The following RERE variants were observed in gnomAD, a reference collection of about 807,000 sequenced individuals.
RERE encodes the protein arginine-glutamic acid dipeptide repeats protein.
RERE carries 40 observed loss-of-function variants against 146.1 expected under a neutral mutation model. The observed-to-expected ratio is 0.27, with a 90% CI of 0.21 to 0.36. The LOEUF is 0.36. Ranked by LOEUF, RERE falls within the 10% of genes least tolerant of loss-of-function variation. RERE has a pLI of 1.00. For missense variants in RERE, 1,933 were observed against 2,138.7 expected (o/e 0.90, Z 1.90); for synonymous variants, 1,003 against 866.0 (o/e 1.16, Z -2.78).
chr1:8,710,936 C>G (rs969023849), intron 1 of RERE, among the ~76,000 whole-genome samples: 17 of 151,906 alleles, frequency 1.1e-4, no homozygotes, highest in African/African-American at 4.1e-4. Flanking sequence ...GCGGGTGGAT[C>G]ACTTAAGGCC....
intron 10 of RERE, among the ~76,000 whole-genome samples, chr1:8,478,321 G>A (rs918529284): frequency 2.6e-5 from 4 of 152,148 alleles, no homozygotes; most frequent in African/African-American, 4.8e-5. Context: ...GAGAAGATAT[G>A]AAAATGTATT....
chr1:8,649,821 G>T (rs1647520575), intron 2 of RERE, among the ~76,000 whole-genome samples: 1 of 151,940 alleles, frequency 6.6e-6, no homozygotes, highest in African/African-American at 2.4e-5. Flanking sequence ...GATGAGTGGG[G>T]GAAAATAAGA....
chr1:8,538,310 C>A (rs1645753239), intron 7 of RERE, among the ~76,000 whole-genome samples: 1 of 152,216 alleles, frequency 6.6e-6, no homozygotes, highest in African/African-American at 2.4e-5. Context: ...CTCATTAAAA[C>A]TGGGGGAAAA....
intron 7 of RERE, among the ~76,000 whole-genome samples, chr1:8,516,519 A>T (rs745559852): frequency 1.2e-4 from 19 of 152,176 alleles, no homozygotes; most frequent in Non-Finnish European, 2.4e-4. Flanking sequence ...GCGACCCTGT[A>T]AGATAGGTGC....
intron 6 of RERE, among the ~76,000 whole-genome samples, chr1:8,554,750 G>T (rs1645984442): frequency 6.6e-6 from 1 of 150,694 alleles, no homozygotes; most frequent in African/African-American, 2.4e-5. Context: ...CAATATTCCA[G>T]GATTAAGTCA....
At position 8,664,724 on chromosome 1, in the gene RERE, T is replaced by C. The variant is rs114155138; in HGVS notation, c.-144-8283A>G. 2.6e-3 allele frequency among the ~76,000 whole-genome samples: 399 copies of C among 152,274 alleles called. 2 individuals are homozygous for C. The highest frequency in any genetic ancestry group is 9.1e-3 in the African/African-American group (379 of 41,544). ...TCAACAAATTATCTCATTGTTACCT[T>C]ATAAATTTCTCTCAAACTTATACCT... On this transcript the variant is annotated intron_variant, in intron 1 of 22. Coordinates refer to ENST00000400908, the MANE Select transcript of RERE (RefSeq NM_001042681.2).
chr1:8,435,867 A>G (rs544776817), intron 11 of RERE, among the ~76,000 whole-genome samples: 6 of 152,312 alleles, frequency 3.9e-5, no homozygotes, highest in African/African-American at 1.4e-4. Flanking sequence ...AGGCCCAACA[A>G]AAAGTACTGC....
At chr1:8,653,872 C>A (rs953969064) in intron 2 of RERE, among the ~76,000 whole-genome samples, 3 of 152,000 alleles carry the variant, frequency 2.0e-5, no homozygotes, top group African/African-American at 7.3e-5. Flanking sequence ...AGTACTGTAA[C>A]CTACACACAT....
At chr1:8,525,714 C>A in intron 7 of RERE, 1 of 1,558,080 alleles carries the variant, frequency 6.4e-7, no homozygotes, top group African/African-American at 1.4e-5. Flanking sequence ...GAAAGAGCAG[C>A]AAAACCCATC....
chr1:8,378,882 G>A (rs545242324), intron 12 of RERE, among the ~76,000 whole-genome samples: 2 of 152,338 alleles, frequency 1.3e-5, no homozygotes, highest in Admixed American at 6.5e-5. Context: ...CGGGGCTCAT[G>A]GAGCTGACTG....
intron 8 of RERE, among the ~76,000 whole-genome samples, chr1:8,500,460 C>T (rs959355399): frequency 6.6e-6 from 1 of 152,250 alleles, no homozygotes; most frequent in African/African-American, 2.4e-5. Flanking sequence ...GATCCGCCAG[C>T]CTCGGCCTCC....
Position 8,353,164 on chromosome 1 carries a change from G to C in RERE, c.*1923C>G, listed in dbSNP as rs544623625. On this transcript the variant is annotated 3_prime_UTR_variant, in exon 23 of 23. Transcript: ENST00000400908. ...TGAAGTCCCACGACAAAAGGTTCATGTCAGCTTTGCCTCCCTGTGAACAAA... is the reference window on the plus strand; with the variant it reads ...TGAAGTCCCACGACAAAAGGTTCATCTCAGCTTTGCCTCCCTGTGAACAAA... The C allele has an allele frequency of 2.0e-5, 3 of 152,622 alleles. No individual in the cohort carries two copies. Among genetic ancestry groups the C allele is most frequent in the Non-Finnish European group, 4.4e-5 (3 of 68,046 alleles). The allele number at this position is 152,622 out of a possible 1,614,324, so 9.5% of individuals were successfully genotyped here.
At chr1:8,355,938 G>A (rs1400767255) in intron 21 of RERE, among the ~76,000 whole-genome samples, 162 bp downstream of exon 21, 2 of 152,146 alleles carry the variant, frequency 1.3e-5, no homozygotes, top group African/African-American at 4.8e-5. Flanking sequence ...AGCCCCCAGA[G>A]GGCAGGAGGC....
chr1:8,803,195 G>A (rs569886741), intron 1 of RERE, among the ~76,000 whole-genome samples: 1 of 151,956 alleles, frequency 6.6e-6, no homozygotes, highest in Admixed American at 6.6e-5. Context: ...GTCACTGTTC[G>A]GCCAGGTGCA....
rs373272022 is a variant in RERE, at chr1:8,362,792, C to T, written c.1793G>A (p.Arg598His). The T allele has an allele frequency of 1.1e-5, 18 of 1,614,038 alleles. No homozygotes were observed. Among genetic ancestry groups the T allele is most frequent in the Non-Finnish European group, 1.4e-5 (17 of 1,180,040 alleles). ...GATGTCTTCATTGATGGGTGAGGTG[C>T]GACCATCAGGGCTGGCTGGCTGCTT... The part of the protein sequence containing the change: ...RKKQPASPDG[R>H]TSPINEDIRS... The change falls in exon 16 of 23, where the codon CGC (arginine) becomes CAC (histidine). Residue 598 changes from arginine (R) to histidine (H), a missense_variant. By Grantham distance (29) the Arg-to-His change is conservative (BLOSUM62 0). Coordinates refer to ENST00000400908, the MANE Select transcript of RERE (RefSeq NM_001042681.2).
At position 8,362,752 on chromosome 1, in the gene RERE, C is replaced by T; in HGVS notation, c.1833G>A (p.Arg611=). The change falls in exon 16 of 23, where the codon CGG becomes CGA. Residue 611 remains arginine, a synonymous_variant. Coordinates refer to ENST00000400908, the MANE Select transcript of RERE (RefSeq NM_001042681.2). ...AGGTACTGGCAGCGCTGGGGGAGTT[C>T]CGGCCGCTGGAGCGGATGTCTTCAT... is the stretch of plus-strand genomic sequence containing the variant. The part of the protein sequence containing the change: ...PINEDIRSSG[R]NSPSAASTSS... The T allele has an allele frequency of 1.2e-6, 2 of 1,614,194 alleles. No individual in the cohort carries two copies. Among genetic ancestry groups the T allele is most frequent in the African/African-American group, 1.3e-5 (1 of 75,044 alleles).
At chr1:8,529,271 C>T (rs1299870844) in intron 7 of RERE, among the ~76,000 whole-genome samples, 2 of 143,262 alleles carry the variant, frequency 1.4e-5, no homozygotes, top group Non-Finnish European at 3.0e-5. Flanking sequence ...GCCTCCACAA[C>T]CATCAGTTCT....
intron 10 of RERE, among the ~76,000 whole-genome samples, chr1:8,476,182 T>A (rs539394183): frequency 6.6e-6 from 1 of 152,136 alleles, no homozygotes; most frequent in Non-Finnish European, 1.5e-5. Context: ...GTCTTTATGA[T>A]TTCATCATTC....
intron 2 of RERE, among the ~76,000 whole-genome samples, chr1:8,626,203 C>T (rs537283076): frequency 5.8e-4 from 89 of 152,302 alleles, no homozygotes; most frequent in African/African-American, 2.1e-3. Flanking sequence ...ACTCAATTCC[C>T]TAGATAAAAA....
Sources: gnomAD v4.1 joint callset for allele counts (sites outside exome capture counted in the v4.1 genomes callset) on GRCh38, gnomAD v4.1.1 for gene constraint, MANE v1.5 for transcripts, NCBI Gene and HGNC (gene_info 2026-07-23, HGNC 2026-07-21) for gene names.